PRKAR2A: variants seen among roughly 807,000 people sequenced by gnomAD.
PRKAR2A encodes the protein protein kinase cAMP-dependent type II regulatory subunit alpha.
Under a neutral mutation model 51.9 loss-of-function variants are expected in PRKAR2A, and 29 were observed. The ratio of observed to expected loss-of-function variants is 0.56; its 90% confidence interval spans 0.42 to 0.76. The LOEUF (loss-of-function observed/expected upper bound fraction) is 0.76. Among genes scored for constraint, PRKAR2A ranks in the 30% least tolerant of loss-of-function variants. The pLI is 0.00. For missense variants in PRKAR2A, 445 were observed against 512.1 expected (o/e 0.87, Z 1.26); for synonymous variants, 178 against 186.2 (o/e 0.96, Z 0.36).
At chr3:48,761,060 G>T (rs953880644) in intron 8 of PRKAR2A, among the ~76,000 whole-genome samples, 1 of 152,052 alleles carries the variant, frequency 6.6e-6, no homozygotes, top group African/African-American at 2.4e-5. Context: ...GAGGAAGGAG[G>T]ATCACGAGGT....
intron 1 of PRKAR2A, among the ~76,000 whole-genome samples, chr3:48,834,340 G>A (rs149948511): frequency 6.6e-6 from 1 of 152,156 alleles, no homozygotes; most frequent in African/African-American, 2.4e-5. Flanking sequence ...CTTCAGGTAT[G>A]TGACACCTGA....
chr3:48,816,301 A>C (rs1480902261), intron 1 of PRKAR2A, among the ~76,000 whole-genome samples: 2 of 152,124 alleles, frequency 1.3e-5, no homozygotes, highest in Non-Finnish European at 2.9e-5. Flanking sequence ...TAGAGTATAG[A>C]CCATGAACTC....
At chr3:48,822,712 C>T (rs2082987430) in intron 1 of PRKAR2A, among the ~76,000 whole-genome samples, 1 of 151,564 alleles carries the variant, frequency 6.6e-6, no homozygotes, top group Non-Finnish European at 1.5e-5. Context: ...GTTCATGATG[C>T]CCCAGGATGT....
Position 48,764,988 on chromosome 3 carries a change from TAAAGCCCTCACTCACCTGAGTG to T in PRKAR2A, c.867_873+15del. The T allele has an allele frequency of 6.2e-7, 1 of 1,611,012 alleles. No individual in the cohort carries two copies. The highest frequency in any genetic ancestry group is 8.5e-7 in the Non-Finnish European group (1 of 1,177,290). On this transcript the variant is annotated splice_donor_variant and splice_donor_5th_base_variant and coding_sequence_variant and intron_variant, in exon 8 of 11. Transcript: ENST00000265563. LOFTEE classifies it high-confidence loss of function. ...GGTGACTTCCAGGAAAGGAGCTGCG[TAAAGCCCTCACTCACCTGAGTG>T]ATTATGCGTTCTCCATCCTTATAGA... is the stretch of plus-strand genomic sequence containing the variant.
intron 8 of PRKAR2A, among the ~76,000 whole-genome samples, chr3:48,762,467 AAC>A (rs2081877990): frequency 6.6e-6 from 1 of 152,184 alleles, no homozygotes; most frequent in South Asian, 2.1e-4. Flanking sequence ...CTACTAAAAA[AAC>A]ACACACATGC....
At chr3:48,754,452 G>A (rs1205278012) in intron 9 of PRKAR2A, among the ~76,000 whole-genome samples, 1 of 151,944 alleles carries the variant, frequency 6.6e-6, no homozygotes, top group Non-Finnish European at 1.5e-5. Context: ...GGTCAGGCTG[G>A]TCTCAAAGAT....
chr3:48,765,384 C>G, intron 6 of PRKAR2A, 35 bp from the exon 7 acceptor site: 1 of 1,423,598 alleles, frequency 7.0e-7, no homozygotes, highest in East Asian at 2.3e-5. Flanking sequence ...TAGTAAATGC[C>G]TATATACAGG....
rs763667545 is a variant in PRKAR2A, at chr3:48,765,365, T to C, written c.697-16A>G. Reference sequence around the variant, plus strand: ...TCACCCGGTCCTACAAGAAAGAATATGAAAATTCTAGTAAATGCCTATATA... The same window carrying C: ...TCACCCGGTCCTACAAGAAAGAATACGAAAATTCTAGTAAATGCCTATATA... On this transcript the variant is annotated splice_polypyrimidine_tract_variant and intron_variant, in intron 6 of 10. Transcript: ENST00000265563. 4.5e-6 allele frequency: 7 copies of C among 1,561,416 alleles called. No individual in the cohort carries two copies. In the African/African-American group the frequency reaches 8.2e-5, roughly 18 times the overall value.
intron 1 of PRKAR2A, among the ~76,000 whole-genome samples, chr3:48,829,532 T>C (rs1214533627): frequency 6.9e-6 from 1 of 144,012 alleles, no homozygotes; most frequent in African/African-American, 2.6e-5. Flanking sequence ...AATAAATAAA[T>C]AAATAAGAAA....
At chr3:48,757,099 G>T (rs950612330) in intron 8 of PRKAR2A, among the ~76,000 whole-genome samples, 3 of 152,136 alleles carry the variant, frequency 2.0e-5, no homozygotes, top group African/African-American at 7.2e-5. Context: ...GCTGACAAAG[G>T]ATGAACAGCC....
At chr3:48,767,210 G>A (rs2081953458) in intron 6 of PRKAR2A, among the ~76,000 whole-genome samples, 1 of 152,226 alleles carries the variant, frequency 6.6e-6, no homozygotes, top group Non-Finnish European at 1.5e-5. Flanking sequence ...TGGGCGCAGT[G>A]GCTCACGCCT....
intron 2 of PRKAR2A, among the ~76,000 whole-genome samples, chr3:48,802,712 G>A (rs2082609951): frequency 6.6e-6 from 1 of 152,122 alleles, no homozygotes; most frequent in African/African-American, 2.4e-5. Flanking sequence ...CAGAATAGAA[G>A]TAGAACAACT....
Position 48,749,509 on chromosome 3 carries a change from T to C in PRKAR2A, c.*2076A>G, listed in dbSNP as rs1044357123. ...TTTTTTTTTTTTTTTTGAGATGGAG[T>C]CTTGCACTGTCACCCGGGGTGGAAT... is the stretch of plus-strand genomic sequence containing the variant. On this transcript the variant is annotated 3_prime_UTR_variant, in exon 11 of 11. Coordinates refer to ENST00000265563, the MANE Select transcript of PRKAR2A (RefSeq NM_004157.4). 1 of 149,496 alleles carries C rather than the reference T, an allele frequency of 6.7e-6. No homozygotes were observed. Among genetic ancestry groups the C allele is most frequent in the Non-Finnish European group, 1.5e-5 (1 of 67,410 alleles). 9.3% of individuals were successfully genotyped at this position (149,496 alleles called of 1,614,324 possible).
At chr3:48,782,635 T>C (rs2082218372) in intron 5 of PRKAR2A, among the ~76,000 whole-genome samples, 1 of 152,180 alleles carries the variant, frequency 6.6e-6, no homozygotes, top group African/African-American at 2.4e-5. Context: ...TTTGTATTTT[T>C]AGTAGATACG....
intron 5 of PRKAR2A, among the ~76,000 whole-genome samples, chr3:48,777,035 A>G (rs1273561744): frequency 6.6e-6 from 1 of 152,184 alleles, no homozygotes; most frequent in Non-Finnish European, 1.5e-5. Flanking sequence ...GGGCAAGCTG[A>G]TAAGAAAGCC....
chr3:48,777,284 T>C (rs2082119901), intron 5 of PRKAR2A, among the ~76,000 whole-genome samples: 1 of 152,214 alleles, frequency 6.6e-6, no homozygotes, highest in South Asian at 2.1e-4. Context: ...TGTAGTGTCA[T>C]CAGTCTTGAC....
chr3:48,790,499 G>A (rs2082366242), intron 4 of PRKAR2A, 45 bp downstream of exon 4: 1 of 1,381,822 alleles, frequency 7.2e-7, no homozygotes, highest in Non-Finnish European at 9.8e-7. Flanking sequence ...TAGGAGCAAA[G>A]CTAAAAGATC....
rs970354834 is a variant in PRKAR2A at position 48,746,831 on chromosome 3, A to C, written c.*4754T>G. The C allele has an allele frequency of 6.6e-6, 1 of 152,206 alleles. No individual in the cohort carries two copies. The highest frequency in any genetic ancestry group is 2.4e-5 in the African/African-American group (1 of 41,462). 9.4% of individuals were successfully genotyped at this position (152,206 alleles called of 1,614,324 possible). On this transcript the variant is annotated 3_prime_UTR_variant, in exon 11 of 11. Coordinates refer to ENST00000265563, the MANE Select transcript of PRKAR2A (RefSeq NM_004157.4). ...TCCAAGAATTTAAAAAATAATTCCA[A>C]ATGAAGGACATTTCAAACACTGTAT...
chr3:48,836,457 T>A, intron 1 of PRKAR2A, among the ~76,000 whole-genome samples: 1 of 95,576 alleles, frequency 1.0e-5, no homozygotes, highest in Admixed American at 1.1e-4. Flanking sequence ...AGAAGAAAGC[T>A]TTTTTAATAT....
Sources: allele counts gnomAD v4.1 joint callset (sites outside exome capture counted in the v4.1 genomes callset), GRCh38; gene constraint gnomAD v4.1.1; transcripts MANE v1.5; gene names NCBI Gene and HGNC (gene_info 2026-07-23, HGNC 2026-07-21).